Variants in PABPN1L observed in about 807,000 individuals in gnomAD.
PABPN1L encodes the protein PABPN1 like, cytoplasmic, also known as embryonic polyadenylate-binding protein 2.
PABPN1L carries 45 observed loss-of-function variants against 34.0 expected under a neutral mutation model. The ratio of observed to expected loss-of-function variants is 1.32; its 90% confidence interval spans 1.04 to 1.70. The LOEUF (loss-of-function observed/expected upper bound fraction) is 1.70, where lower values mean the gene tolerates loss of function less well. Ranked by LOEUF, PABPN1L falls within the 40% of genes most tolerant of loss-of-function variation. The pLI is 0.00. For missense variants in PABPN1L, 459 were observed against 367.8 expected, an observed-to-expected ratio of 1.25 and a Z score of -2.03; for synonymous variants, 182 against 152.1, an observed-to-expected ratio of 1.20 and a Z score of -1.45.
At chr16:88,866,076 C>T (rs1968585182) in intron 1 of PABPN1L, 135 bp from the exon 2 acceptor site, 2 of 1,371,452 alleles carry the variant, frequency 1.5e-6, no homozygotes, top group Admixed American at 2.8e-5. Context: ...GACACTCCTT[C>T]CTGGGGCAGC....
chr16:88,868,653 T>C (rs1251260957), upstream of PABPN1L, among the ~76,000 whole-genome samples: 1 of 151,888 alleles, frequency 6.6e-6, no homozygotes, highest in African/African-American at 2.4e-5. Context: ...CTTTTATACT[T>C]AAAGGGAAAG....
At chr16:88,865,261 C>A in intron 3 of PABPN1L, 133 bp from the exon 4 acceptor site, 1 of 928,438 alleles carries the variant, frequency 1.1e-6, no homozygotes, top group South Asian at 1.6e-5. Flanking sequence ...CACCCCACAC[C>A]CCCGCTGGGG....
exon 2 of PABPN1L, chr16:88,865,917 C>T (rs1234692598): frequency 3.1e-6 from 5 of 1,608,616 alleles, no homozygotes; most frequent in African/African-American, 1.3e-5. Context: ...ATGGCACACA[C>T]CTTCATCTTG....
At chr16:88,866,015 C>T (rs1968584167) in intron 1 of PABPN1L, 74 bp from the exon 2 acceptor site, 1 of 1,479,036 alleles carries the variant, frequency 6.8e-7, no homozygotes, top group Non-Finnish European at 9.0e-7. Flanking sequence ...TGTGGCCTGC[C>T]AGCTCCAGCA....
chr16:88,864,545 C>T (rs1968537845), intron 5 of PABPN1L, among the ~76,000 whole-genome samples, 166 bp from the exon 6 acceptor site: 1 of 145,816 alleles, frequency 6.9e-6, no homozygotes, highest in Non-Finnish European at 1.5e-5. Context: ...CATATGACAC[C>T]CCGTCACGGC....
At chr16:88,867,536 A>G (rs1329085188), upstream of PABPN1L, among the ~76,000 whole-genome samples, 1 of 152,002 alleles carries the variant, frequency 6.6e-6, no homozygotes, top group African/African-American at 2.4e-5. Flanking sequence ...GGTCTGGGTC[A>G]TCTTTTAGGT....
chr16:88,866,201 G>C (rs1968588680), intron 1 of PABPN1L, 151 bp downstream of exon 1: 3 of 1,322,454 alleles, frequency 2.3e-6, no homozygotes, highest in African/African-American at 1.5e-5. Flanking sequence ...GGGGGCGGGG[G>C]GTCTCCTTGC....
exon 1 of PABPN1L, chr16:88,866,584 G>A: frequency 6.4e-7 from 1 of 1,551,476 alleles, no homozygotes; most frequent in Non-Finnish European, 8.7e-7. Flanking sequence ...TGGGAAGAGA[G>A]AGCGGCTCGG....
Position 88,865,083 on chromosome 16 carries a change from G to A in PABPN1L, c.505C>T (p.Arg169Cys), listed in dbSNP as rs148432784. The change falls in exon 4 of 7, where the codon CGC becomes TGC. Residue 169 changes from arginine (R) to cysteine (C), a missense_variant. Arg to Cys is a radical substitution (Grantham distance 180, BLOSUM62 -3). Transcript: ENST00000419291. The stretch of plus-strand genomic sequence containing the variant: ...GTGACTCGGTGGACCTCCCCACAGC[G>A]GCTGAAGTGGGCCTCCAGCTCCTCG... The A allele has an allele frequency of 5.7e-3, 9,068 of 1,592,252 alleles. 36 individuals are homozygous for A. Among genetic ancestry groups the A allele is most frequent in the Admixed American group, 7.5e-3 (432 of 57,482 alleles).
intron 2 of PABPN1L, 22 bp downstream of exon 2, chr16:88,865,776 TGGGGGGCG>T: frequency 6.3e-7 from 1 of 1,586,050 alleles, no homozygotes; most frequent in Non-Finnish European, 8.6e-7. Flanking sequence ...CCTTGCTCAG[TGGGGGGCG>T]GCCTGTGCCC....
At chr16:88,863,840 A>G in intron 6 of PABPN1L, 45 bp from the exon 7 acceptor site, 1 of 1,521,182 alleles carries the variant, frequency 6.6e-7, no homozygotes, top group East Asian at 2.5e-5. Context: ...CCAGAGGAGA[A>G]GGGGTGGTGG....
Position 88,864,863 on chromosome 16 carries a change from C to CG in PABPN1L, c.643dup (p.Arg215ProfsTer120), listed in dbSNP as rs1177198132. 6.2e-7 allele frequency: 1 copy of CG among 1,608,398 alleles called. No individual in the cohort carries two copies. Among genetic ancestry groups the CG allele is most frequent in the African/African-American group, 1.3e-5 (1 of 74,874 alleles). On this transcript the variant is annotated frameshift_variant, in exon 5 of 7. Coordinates refer to ENST00000419291, the Ensembl canonical transcript of PABPN1L. LOFTEE classifies it high-confidence loss of function. Reference sequence around the variant, plus strand: ...GGAGCACCGGCGCACCTTGATGACCCGGCCCCGGAAGAGGCTCTGGTCCAG... The same window carrying CG: ...GGAGCACCGGCGCACCTTGATGACCCGGGCCCCGGAAGAGGCTCTGGTCCAG...
At chr16:88,864,412 A>G (rs753613807) in intron 5 of PABPN1L, 33 bp from the exon 6 acceptor site, 271 of 1,543,368 alleles carry the variant, frequency 1.8e-4, no homozygotes, top group Non-Finnish European at 2.2e-4. Flanking sequence ...GTCCTCCTCA[A>G]GGAGCAGCCG....
At chr16:88,866,045 G>A in intron 1 of PABPN1L, 104 bp from the exon 2 acceptor site, 1 of 1,441,704 alleles carries the variant, frequency 6.9e-7, no homozygotes, top group African/African-American at 1.4e-5. Context: ...AGCCCCAAGG[G>A]GCAGCCCTTC....
exon 4 of PABPN1L, chr16:88,865,057 C>T (rs368444129): frequency 2.3e-5 from 36 of 1,598,542 alleles, no homozygotes; most frequent in Middle Eastern, 1.6e-4. Context: ...CACACAGGAT[C>T]GTGACTCGGT....
At chr16:88,866,267 C>T (rs1968590491) in intron 1 of PABPN1L, 85 bp downstream of exon 1, 25 of 1,477,246 alleles carry the variant, frequency 1.7e-5, no homozygotes, top group Non-Finnish European at 2.1e-5. Flanking sequence ...TCAGCTGCAG[C>T]CATCCGTCAC....
intron 1 of PABPN1L, 122 bp downstream of exon 1, chr16:88,866,230 T>A: frequency 1.4e-6 from 2 of 1,411,176 alleles, no homozygotes; most frequent in Non-Finnish European, 9.4e-7. Context: ...TCCAGGCAGG[T>A]GGGCAATGGC....
chr16:88,869,291 C>A (rs1004798830), upstream of PABPN1L, among the ~76,000 whole-genome samples: 4 of 152,240 alleles, frequency 2.6e-5, no homozygotes, highest in Non-Finnish European at 5.9e-5. Context: ...TTGTCTGGAA[C>A]CTGGCTATGG....
At position 88,864,319 on chromosome 16, in the gene PABPN1L, C is replaced by T. The variant is rs538598208; in HGVS notation, c.715G>A (p.Gly239Arg). The T allele has an allele frequency of 1.5e-5, 24 of 1,555,552 alleles. No homozygotes were observed. In the South Asian group the frequency reaches 1.7e-4, roughly 11 times the overall value. The change falls in exon 6 of 7, where the codon GGA becomes AGA. Residue 239 changes from glycine to arginine, a missense_variant. Physicochemically the swap from Gly to Arg is moderately radical, Grantham distance 125. Coordinates refer to ENST00000419291, the Ensembl canonical transcript of PABPN1L. ...GGTGCCCCCCTGGAGCCTGGGTGTCCTCGAAGGCCCCCGCGGTCTGTGGAG... is the reference window on the plus strand; with the variant it reads ...GGTGCCCCCCTGGAGCCTGGGTGTCTTCGAAGGCCCCCGCGGTCTGTGGAG...
Sources: allele counts gnomAD v4.1 joint callset (sites outside exome capture counted in the v4.1 genomes callset), GRCh38; gene constraint gnomAD v4.1.1; transcripts MANE v1.5; gene names NCBI Gene and HGNC (gene_info 2026-07-23, HGNC 2026-07-21).